CYYR1: variants seen among roughly 807,000 people sequenced by gnomAD.
The protein encoded by CYYR1 is cysteine and tyrosine-rich protein 1.
In CYYR1, 14 loss-of-function variants were observed where a neutral mutation model predicts 15.2. That is an observed-to-expected ratio of 0.92 (90% CI 0.61 to 1.44). The LOEUF (loss-of-function observed/expected upper bound fraction) is 1.44, where lower values mean the gene tolerates loss of function less well. Ranked by LOEUF, CYYR1 falls within the 40% of genes most tolerant of loss-of-function variation. CYYR1 has a pLI of 0.00. For missense variants in CYYR1, 228 were observed against 209.5 expected (o/e 1.09, Z -0.54); for synonymous variants, 80 against 77.4 (o/e 1.03, Z -0.18).
chr21:26,468,347 A>G lies in CYYR1; in HGVS notation c.*154T>C. 1.4e-6 allele frequency: 1 copy of G among 690,944 alleles called. No individual in the cohort carries two copies. The highest frequency in any genetic ancestry group is 2.6e-6 in the Non-Finnish European group (1 of 378,854). 42.8% of individuals were successfully genotyped at this position (690,944 alleles called of 1,614,324 possible). On this transcript the variant is annotated 3_prime_UTR_variant, in exon 4 of 4. Coordinates refer to ENST00000652641, the MANE Select transcript of CYYR1 (RefSeq NM_001320768.2). Reference sequence around the variant, plus strand: ...GGGGTCAGCTTTGAGCAGAGTAGAAATCCTATATCTCCTAGCAGGGATATT... The same window carrying G: ...GGGGTCAGCTTTGAGCAGAGTAGAAGTCCTATATCTCCTAGCAGGGATATT...
chr21:26,508,061 A>C (rs1407163109), intron 2 of CYYR1, among the ~76,000 whole-genome samples: 1 of 152,226 alleles, frequency 6.6e-6, no homozygotes, highest in Non-Finnish European at 1.5e-5. Flanking sequence ...ACTATAAATG[A>C]GACAATGTAT....
intron 3 of CYYR1, among the ~76,000 whole-genome samples, chr21:26,473,831 C>G (rs1161866839): frequency 4.6e-5 from 7 of 152,096 alleles, no homozygotes; most frequent in Non-Finnish European, 8.8e-5. Flanking sequence ...TAATTAAAAT[C>G]TGATTTTCCA....
chr21:26,503,047 C>T (rs1376311147), intron 2 of CYYR1, among the ~76,000 whole-genome samples: 1 of 152,132 alleles, frequency 6.6e-6, no homozygotes, highest in African/African-American at 2.4e-5. Flanking sequence ...AGATGGAACT[C>T]ATGGTGGCCT....
chr21:26,564,690 G>A (rs773857301), intron 2 of CYYR1: 134 of 1,114,494 alleles, frequency 1.2e-4, no homozygotes, highest in Non-Finnish European at 1.4e-4. Flanking sequence ...GTGAGAAAGA[G>A]GGCACACAGC....
rs377148180 is a variant in CYYR1 at position 26,470,255 on chromosome 21, C to T, written c.335-1621G>A. ...AACTGCAATTGCTTTTGCAAACGAACCTTAATTTGTACTCTTTCTAATAAG... is the reference window on the plus strand; with the variant it reads ...AACTGCAATTGCTTTTGCAAACGAATCTTAATTTGTACTCTTTCTAATAAG... On this transcript the variant is annotated intron_variant, in intron 3 of 3. Coordinates refer to ENST00000652641, the MANE Select transcript of CYYR1 (RefSeq NM_001320768.2). 3.4e-4 allele frequency among the ~76,000 whole-genome samples: 52 copies of T among 152,190 alleles called. 2 individuals carry two copies. The South Asian group carries it at 0.01, about 30-fold the overall frequency.
At chr21:26,535,075 C>A (rs1395278888) in intron 2 of CYYR1, among the ~76,000 whole-genome samples, 1 of 151,918 alleles carries the variant, frequency 6.6e-6, no homozygotes, top group Non-Finnish European at 1.5e-5. Context: ...CATCTCTTGG[C>A]AAGAATATAC....
rs78883040 is a variant in CYYR1 at position 26,571,869 on chromosome 21, C to G, written c.73+999G>C. Among the ~76,000 whole-genome samples, 328 of 152,258 alleles carry G rather than the reference C, an allele frequency of 2.2e-3. 4 individuals are homozygous for G. The East Asian group carries it at 0.057, about 26-fold the overall frequency. On this transcript the variant is annotated intron_variant, in intron 1 of 3. Transcript: ENST00000652641. ...CTTTAAAATGGTAACTCCTAGACAG[C>G]CACTAATTTGCATTTCAATAAACAG...
chr21:26,526,601 A>T (rs1202961524), intron 2 of CYYR1, among the ~76,000 whole-genome samples: 1 of 152,244 alleles, frequency 6.6e-6, no homozygotes, highest in Non-Finnish European at 1.5e-5. Context: ...TTTCAAAAGT[A>T]TTTAAAATAA....
At position 26,532,901 on chromosome 21, in the gene CYYR1, T is replaced by C. The variant is rs907698854; in HGVS notation, c.176+33365A>G. The stretch of plus-strand genomic sequence containing the variant: ...TCATGCACAAAATTATTAAAAAATG[T>C]CGTATAAAATTATCTTTATGTTATG... On this transcript the variant is annotated intron_variant, in intron 2 of 3. Transcript: ENST00000652641. Among the ~76,000 whole-genome samples, 8 of 152,252 alleles carry C rather than the reference T, an allele frequency of 5.3e-5. No homozygotes were observed. The South Asian group carries it at 1.4e-3, about 28-fold the overall frequency.
intron 2 of CYYR1, among the ~76,000 whole-genome samples, chr21:26,540,853 A>T (rs1978502940): frequency 6.6e-6 from 1 of 152,222 alleles, no homozygotes; most frequent in South Asian, 2.1e-4. Flanking sequence ...CAAGGATTTT[A>T]ACATAGATAC....
intron 3 of CYYR1, among the ~76,000 whole-genome samples, chr21:26,474,823 C>A (rs1045725485): frequency 3.9e-5 from 6 of 152,138 alleles, no homozygotes; most frequent in Admixed American, 6.5e-5. Flanking sequence ...TGGACCTCAC[C>A]TGGATTTCCA....
At chr21:26,540,327 TAAGGCTTTTTGGC>T in intron 2 of CYYR1, among the ~76,000 whole-genome samples, 2 of 152,164 alleles carry the variant, frequency 1.3e-5, no homozygotes, top group South Asian at 4.2e-4. Context: ...GTTCCATTGA[TAAGGCTTTTTGGC>T]TAACGGCATG....
chr21:26,508,926 GC>G (rs2065607098), intron 2 of CYYR1, among the ~76,000 whole-genome samples: 1 of 152,182 alleles, frequency 6.6e-6, no homozygotes, highest in East Asian at 1.9e-4. Context: ...GTGAGGATTA[GC>G]CCATGCCTCA....
intron 2 of CYYR1, among the ~76,000 whole-genome samples, chr21:26,501,199 G>T (rs767796481): frequency 6.6e-6 from 1 of 152,150 alleles, no homozygotes; most frequent in African/African-American, 2.4e-5. Context: ...TTAGCTGGGC[G>T]TGGTGGCACA....
At chr21:26,506,195 C>T (rs775339498) in intron 2 of CYYR1, among the ~76,000 whole-genome samples, 13 of 152,202 alleles carry the variant, frequency 8.5e-5, no homozygotes, top group Non-Finnish European at 1.9e-4. Flanking sequence ...ATTTGAAGTC[C>T]TCTTTCTTTT....
At chr21:26,532,940 T>C (rs1336589119) in intron 2 of CYYR1, among the ~76,000 whole-genome samples, 1 of 152,092 alleles carries the variant, frequency 6.6e-6, no homozygotes, top group African/African-American at 2.4e-5. Flanking sequence ...ATAAGGTATG[T>C]ATAAAACATA....
chr21:26,508,674 A>G (rs142087050), intron 2 of CYYR1, among the ~76,000 whole-genome samples: 54 of 152,330 alleles, frequency 3.5e-4, no homozygotes, highest in African/African-American at 1.2e-3. Flanking sequence ...CATTCATTCT[A>G]TCATCACTTA....
chr21:26,556,551 A>C (rs1479415662), intron 2 of CYYR1, among the ~76,000 whole-genome samples: 1 of 152,184 alleles, frequency 6.6e-6, no homozygotes, highest in Admixed American at 6.5e-5. Context: ...CATAGGCTGT[A>C]CAGATAGCAT....
intron 2 of CYYR1, among the ~76,000 whole-genome samples, chr21:26,553,059 A>T (rs184427609): frequency 1.3e-5 from 2 of 151,900 alleles, no homozygotes; most frequent in South Asian, 2.1e-4. Flanking sequence ...TATTTTCTTA[A>T]TTTTTCTTAA....
Sources: gnomAD v4.1 joint callset for allele counts (sites outside exome capture counted in the v4.1 genomes callset) on GRCh38, gnomAD v4.1.1 for gene constraint, MANE v1.5 for transcripts, NCBI Gene and HGNC (gene_info 2026-07-23, HGNC 2026-07-21) for gene names.